Variants in LRRN1 observed in about 807,000 individuals in gnomAD.
LRRN1 encodes leucine rich repeat neuronal 1, also known as leucine-rich repeat neuronal protein 1.
In LRRN1, 14 loss-of-function variants were observed where a neutral mutation model predicts 45.8. That is an observed-to-expected ratio of 0.31 (90% confidence interval 0.20 to 0.48). LRRN1 has a LOEUF of 0.48. Ranked by LOEUF, LRRN1 falls within the 20% of genes least tolerant of loss-of-function variation. LRRN1 has a pLI of 0.99. For synonymous variants in LRRN1, 359 were observed against 330.1 expected (o/e 1.09, Z -0.95); for missense variants, 789 against 874.2 (o/e 0.90, Z 1.23).
intron 1 of LRRN1, among the ~76,000 whole-genome samples, chr3:3,802,158 G>T (rs933371199): frequency 1.3e-5 from 2 of 152,170 alleles, no homozygotes; most frequent in Admixed American, 1.3e-4. Context: ...AACAGTGAAC[G>T]GGGAGGTAGT....
chr3:3,843,581 AC>A (rs1693692277), intron 1 of LRRN1, among the ~76,000 whole-genome samples: 2 of 145,716 alleles, frequency 1.4e-5, no homozygotes, highest in South Asian at 4.6e-4. Flanking sequence ...CCCCCCCCAT[AC>A]CCCTGGCCAT....
At chr3:3,834,946 T>C (rs1693474525) in intron 1 of LRRN1, among the ~76,000 whole-genome samples, 1 of 151,952 alleles carries the variant, frequency 6.6e-6, no homozygotes, top group African/African-American at 2.4e-5. Flanking sequence ...ACAACCGGGG[T>C]TAATGCTTTG....
At chr3:3,800,059 G>C (rs1296499599) in intron 1 of LRRN1, 140 bp downstream of exon 1, 5 of 152,148 alleles carry the variant, frequency 3.3e-5, no homozygotes, top group African/African-American at 4.8e-5. Context: ...GGGACGAGGG[G>C]GCGCGGCTCA....
chr3:3,826,617 G>T (rs1693221238), intron 1 of LRRN1, among the ~76,000 whole-genome samples: 1 of 152,032 alleles, frequency 6.6e-6, no homozygotes, highest in Non-Finnish European at 1.5e-5. Flanking sequence ...ATGCATTACG[G>T]AGACTATTAT....
chr3:3,815,495 T>C (rs926180747), intron 1 of LRRN1, among the ~76,000 whole-genome samples: 9 of 152,172 alleles, frequency 5.9e-5, no homozygotes, highest in Non-Finnish European at 1.3e-4. Flanking sequence ...GATGGTAATA[T>C]TTGTGTACCC....
chr3:3,845,731 C>T lies in LRRN1; in HGVS notation c.1090C>T (p.Arg364Cys), dbSNP rs200294045. The change falls in exon 2 of 2, where the codon CGT becomes TGT. Residue 364 changes from arginine (R) to cysteine (C), a missense_variant. Coordinates refer to ENST00000319331, the MANE Select transcript of LRRN1 (RefSeq NM_020873.7). The surrounding 1 kb of genome is among the most constrained non-coding windows in gnomAD (Gnocchi z 6.5). Reference sequence around the variant, plus strand: ...GACAGTCGAATCCCTCCCCAATCTGCGTGAGATCAGTATCCATAGCAATCC... The same window carrying T: ...GACAGTCGAATCCCTCCCCAATCTGTGTGAGATCAGTATCCATAGCAATCC... ...QKTVESLPNL[R>C]EISIHSNPLR... The T allele has an allele frequency of 3.2e-5, 51 of 1,613,976 alleles. No homozygotes were observed. The highest frequency in any genetic ancestry group is 1.6e-4 in the Middle Eastern group (1 of 6,084).
chr3:3,846,579 G>T lies in LRRN1; in HGVS notation c.1938G>T (p.Ala646=). 2 of 1,614,054 alleles carry T rather than the reference G, an allele frequency of 1.2e-6. No individual in the cohort carries two copies. Among genetic ancestry groups the T allele is most frequent in the Non-Finnish European group, 1.7e-6 (2 of 1,180,016 alleles). Residue 646 remains alanine (A), a synonymous_variant, in exon 2 of 2, where the codon GCG becomes GCT. Transcript: ENST00000319331. This position sits in a 1 kb window ranked among gnomAD's most constrained non-coding sequence, Gnocchi z 5.7. ...CTATGTTTGCCGTCATTAGCCTTGC[G>T]TCCATTGCTGTGTACTTTGCCAAAA... ...MGSMFAVISL[A]SIAVYFAKRF...
At position 3,816,537 on chromosome 3, in the gene LRRN1, G is replaced by T. The variant is rs1692989395; in HGVS notation, c.-279+16618G>T. ...TAATTTAACCAGGGCTTTCAATTAA[G>T]AAAAAAAAATATTCCAATATGAGTT... On this transcript the variant is annotated intron_variant, in intron 1 of 1. Coordinates refer to ENST00000319331, the MANE Select transcript of LRRN1 (RefSeq NM_020873.7). The surrounding 1 kb of genome is among the most constrained non-coding windows in gnomAD (Gnocchi z 4.0). Among the ~76,000 whole-genome samples the T allele has an allele frequency of 6.6e-6, 1 of 150,708 alleles. No homozygotes were observed. The highest frequency in any genetic ancestry group is 2.4e-5 in the African/African-American group (1 of 41,068).
intron 1 of LRRN1, among the ~76,000 whole-genome samples, chr3:3,804,756 G>A (rs1484458838): frequency 6.7e-6 from 1 of 150,072 alleles, no homozygotes; most frequent in Non-Finnish European, 1.5e-5. Context: ...CACACTGGTG[G>A]CATTTTTTGG....
At chr3:3,806,297 T>G (rs1692757084) in intron 1 of LRRN1, among the ~76,000 whole-genome samples, 1 of 152,106 alleles carries the variant, frequency 6.6e-6, no homozygotes, top group Non-Finnish European at 1.5e-5. Context: ...GCTATGATGG[T>G]GGGAGTGCAG....
At position 3,843,281 on chromosome 3, in the gene LRRN1, G is replaced by A. The variant is rs78642644; in HGVS notation, c.-278-1083G>A. On this transcript the variant is annotated intron_variant, in intron 1 of 1. Transcript: ENST00000319331. ...AGTGACATTCTCACGAGATTAATGA[G>A]ATCATCTGTGTGAGATACAAATACA... Among the ~76,000 whole-genome samples the A allele has an allele frequency of 2.3e-3, 344 of 152,294 alleles. 1 individual carries two copies. The highest frequency in any genetic ancestry group is 7.9e-3 in the African/African-American group (327 of 41,556).
intron 1 of LRRN1, among the ~76,000 whole-genome samples, chr3:3,808,763 A>G (rs1439704054): frequency 6.6e-5 from 10 of 151,114 alleles, no homozygotes; most frequent in Non-Finnish European, 1.3e-4. Context: ...ACATAATTCC[A>G]TATTAAAGTC....
chr3:3,845,894 C>T lies in LRRN1; in HGVS notation c.1253C>T (p.Ser418Leu), dbSNP rs550318532. ...GTGAAGGAAGTTTTAATCCAGGATT[C>T]GAGTGAACAGTGCCTCCCAATGATA... ...HQVKEVLIQDSSEQCLPMISH... is the reference protein window; with the variant it reads ...HQVKEVLIQDLSEQCLPMISH... The change falls in exon 2 of 2, where the codon TCG (serine) becomes TTG (leucine). Residue 418 changes from serine (S) to leucine (L), a missense_variant. Coordinates refer to ENST00000319331, the MANE Select transcript of LRRN1 (RefSeq NM_020873.7). This position sits in a 1 kb window ranked among gnomAD's most constrained non-coding sequence, Gnocchi z 6.5. 5.6e-6 allele frequency: 9 copies of T among 1,613,928 alleles called. No individual in the cohort carries two copies. Among genetic ancestry groups the T allele is most frequent in the Admixed American group, 1.7e-5 (1 of 59,984 alleles).
In LRRN1 at chr3:3,849,718, A is replaced by G. The variant is rs1693857311; in HGVS notation, c.*2926A>G. On this transcript the variant is annotated 3_prime_UTR_variant, in exon 2 of 2. Coordinates refer to ENST00000319331, the MANE Select transcript of LRRN1 (RefSeq NM_020873.7). Reference sequence around the variant, plus strand: ...GCTCATTTAATTAATGAAAAATTGAACTGATGCCATGGATATAAAAACAAA... The same window carrying G: ...GCTCATTTAATTAATGAAAAATTGAGCTGATGCCATGGATATAAAAACAAA... 6.6e-6 allele frequency among the ~76,000 whole-genome samples: 1 copy of G among 152,184 alleles called. No homozygotes were observed. Among genetic ancestry groups the G allele is most frequent in the African/African-American group, 2.4e-5 (1 of 41,450 alleles).
At chr3:3,832,771 T>A in intron 1 of LRRN1, among the ~76,000 whole-genome samples, 1 of 152,238 alleles carries the variant, frequency 6.6e-6, no homozygotes. Flanking sequence ...TCTCTGTTTT[T>A]ATAATTCAAA....
At position 3,816,190 on chromosome 3, in the gene LRRN1, A is replaced by C. The variant is rs568958096; in HGVS notation, c.-279+16271A>C. ...TTAATGTTCTCAGCTGTTCCTTTGCACCATATGATTACACAAGCCTAGACT... is the reference window on the plus strand; with the variant it reads ...TTAATGTTCTCAGCTGTTCCTTTGCCCCATATGATTACACAAGCCTAGACT... On this transcript the variant is annotated intron_variant, in intron 1 of 1. Coordinates refer to ENST00000319331, the MANE Select transcript of LRRN1 (RefSeq NM_020873.7). This position sits in a 1 kb window ranked among gnomAD's most constrained non-coding sequence, Gnocchi z 4.0. 6.6e-6 allele frequency among the ~76,000 whole-genome samples: 1 copy of C among 152,288 alleles called. No individual in the cohort carries two copies. Among genetic ancestry groups the C allele is most frequent in the South Asian group, 2.1e-4 (1 of 4,828 alleles).
At chr3:3,812,837 G>A (rs1692906175) in intron 1 of LRRN1, among the ~76,000 whole-genome samples, 1 of 140,504 alleles carries the variant, frequency 7.1e-6, no homozygotes, top group Non-Finnish European at 1.5e-5. Flanking sequence ...AAAAAAAGAT[G>A]TAGCACCACA....
rs1252001394 is a variant in LRRN1, at chr3:3,810,409, C to G, written c.-279+10490C>G. On this transcript the variant is annotated intron_variant, in intron 1 of 1. Transcript: ENST00000319331. ...AATGGTCCATAGACAATGCAGCTACCATTGTTACTGTTAATTCTTAGTATC... is the reference window on the plus strand; with the variant it reads ...AATGGTCCATAGACAATGCAGCTACGATTGTTACTGTTAATTCTTAGTATC... Among the ~76,000 whole-genome samples the G allele has an allele frequency of 2.0e-5, 3 of 152,210 alleles. No homozygotes were observed. In the East Asian group the frequency reaches 5.8e-4, roughly 29 times the overall value.
chr3:3,836,321 A>G (rs1693511555), intron 1 of LRRN1, among the ~76,000 whole-genome samples: 1 of 152,222 alleles, frequency 6.6e-6, no homozygotes, highest in South Asian at 2.1e-4. Flanking sequence ...TTGCAAAACT[A>G]AAACTTTATT....
Sources: allele counts gnomAD v4.1 joint callset (sites outside exome capture counted in the v4.1 genomes callset), GRCh38; gene constraint gnomAD v4.1.1; non-coding constraint Gnocchi (gnomAD v3.1); transcripts MANE v1.5; gene names NCBI Gene and HGNC (gene_info 2026-07-23, HGNC 2026-07-21).